Variants in RAPH1 observed in about 807,000 individuals in gnomAD.
The protein encoded by RAPH1 is ras-associated and pleckstrin homology domains-containing protein 1.
A neutral mutation model predicts 88.1 loss-of-function variants in RAPH1; 18 were observed. That is an observed-to-expected ratio of 0.20 (90% CI 0.14 to 0.30). The LOEUF is 0.30. Among genes scored for constraint, RAPH1 ranks in the 10% least tolerant of loss-of-function variants. The pLI, the probability that RAPH1 is intolerant of heterozygous loss-of-function variation, is 1.00. For synonymous variants in RAPH1, 587 were observed against 559.0 expected, an observed-to-expected ratio of 1.05 and a Z score of -0.71; for missense variants, 1,448 against 1,543.2, an observed-to-expected ratio of 0.94 and a Z score of 1.03.
In RAPH1 at chr2:203,441,080, G is replaced by T; in HGVS notation, c.2110C>A (p.Pro704Thr). 1 of 1,555,662 alleles carries T rather than the reference G, an allele frequency of 6.4e-7. No individual in the cohort carries two copies. The highest frequency in any genetic ancestry group is 8.8e-7 in the Non-Finnish European group (1 of 1,140,444). ...GGTGGTGGAACAACTCCATTGGGGG[G>T]TACCAGGATCTGAGGCTTCACTGAC... ...SQSVKPQILV[P>T]PNGVVPPPPP... Residue 704 changes from proline (P) to threonine (T), a missense_variant, in exon 14 of 14, where the codon CCC becomes ACC. Physicochemically the swap from Pro to Thr is conservative, Grantham distance 38. Around this residue, in one of 2 missense-constraint regions of RAPH1, gnomAD observed 935 missense variants for 890.1 expected, o/e 1.05. Transcript: ENST00000319170.
intron 1 of RAPH1, among the ~76,000 whole-genome samples, chr2:203,531,767 T>G (rs562337050): frequency 6.6e-6 from 1 of 152,182 alleles, no homozygotes; most frequent in Non-Finnish European, 1.5e-5. Context: ...ACAGAGAAAC[T>G]GGAACCTTTG....
chr2:203,496,865 A>T (rs1688539829), intron 1 of RAPH1, among the ~76,000 whole-genome samples: 1 of 152,198 alleles, frequency 6.6e-6, no homozygotes, highest in Non-Finnish European at 1.5e-5. Context: ...GAATTTTGTT[A>T]TGGTAGATCT....
intron 1 of RAPH1, among the ~76,000 whole-genome samples, chr2:203,516,217 T>C (rs113403337): frequency 9.2e-5 from 14 of 152,130 alleles, no homozygotes; most frequent in African/African-American, 3.4e-4. Context: ...TATATGTAAA[T>C]TGCAAAGTCT....
At chr2:203,516,176 C>T (rs1689596479) in intron 1 of RAPH1, among the ~76,000 whole-genome samples, 1 of 151,966 alleles carries the variant, frequency 6.6e-6, no homozygotes, top group South Asian at 2.1e-4. Flanking sequence ...AAGTGGTACA[C>T]TATTATCTGA....
chr2:203,482,569 C>A (rs952608611), intron 4 of RAPH1, among the ~76,000 whole-genome samples: 11 of 152,124 alleles, frequency 7.2e-5, no homozygotes, highest in Non-Finnish European at 1.6e-4. Flanking sequence ...GAAAAAAATC[C>A]TTTGAATTTG....
At chr2:203,506,857 T>G (rs1689085091) in intron 1 of RAPH1, among the ~76,000 whole-genome samples, 5 of 46,924 alleles carry the variant, frequency 1.1e-4, no homozygotes, top group African/African-American at 4.6e-4. Flanking sequence ...TATCTATATC[T>G]ATATATATAT....
intron 4 of RAPH1, 36 bp from the exon 5 acceptor site, chr2:203,461,961 A>C: frequency 6.5e-7 from 1 of 1,531,328 alleles, no homozygotes; most frequent in Non-Finnish European, 8.9e-7. Context: ...AACAATGCTA[A>C]GATGATGAAA....
At chr2:203,516,959 G>A (rs531837885) in intron 1 of RAPH1, among the ~76,000 whole-genome samples, 1 of 151,942 alleles carries the variant, frequency 6.6e-6, no homozygotes, top group South Asian at 2.1e-4. Context: ...GTGTGAACCC[G>A]GGAGGCAGAG....
At chr2:203,525,879 C>G (rs188666739) in intron 1 of RAPH1, among the ~76,000 whole-genome samples, 3 of 152,272 alleles carry the variant, frequency 2.0e-5, no homozygotes. Flanking sequence ...GCAAAACTTA[C>G]CTGTGCTGAA....
chr2:203,475,198 G>A (rs576581761), intron 4 of RAPH1, among the ~76,000 whole-genome samples: 15 of 152,290 alleles, frequency 9.8e-5, no homozygotes, highest in African/African-American at 3.1e-4. Context: ...ACAAGGTCAG[G>A]AGATCAATAC....
chr2:203,448,028 ACTCTGTCCT>A lies in RAPH1; in HGVS notation c.1555_1563del (p.Arg519_Glu521del). The A allele has an allele frequency of 6.2e-7, 1 of 1,613,776 alleles. No homozygotes were observed. Among genetic ancestry groups the A allele is most frequent in the Non-Finnish European group, 8.5e-7 (1 of 1,179,764 alleles). ...GATAAGGAAGTCCAATCATAGGCTG[ACTCTGTCCT>A]CTTCAAGGCTTCTTGGTAGTTCATA... is the stretch of plus-strand genomic sequence containing the variant. On this transcript the variant is annotated inframe_deletion, in exon 12 of 14. Transcript: ENST00000319170. The surrounding 1 kb of genome is among the most constrained non-coding windows in gnomAD (Gnocchi z 4.1).
chr2:203,490,623 C>T (rs573745362), intron 3 of RAPH1, among the ~76,000 whole-genome samples: 2 of 152,168 alleles, frequency 1.3e-5, no homozygotes, highest in Non-Finnish European at 2.9e-5. Context: ...ATTAAGTTTG[C>T]TGTGGGGTTC....
chr2:203,506,892 A>ATTTTT (rs1378152220), intron 1 of RAPH1, among the ~76,000 whole-genome samples: 1 of 102,842 alleles, frequency 9.7e-6, no homozygotes, highest in Non-Finnish European at 1.8e-5. Flanking sequence ...ATATATATAT[A>ATTTTT]TATATATTTT....
At chr2:203,452,237 T>TACC (rs2098515531) in intron 10 of RAPH1, among the ~76,000 whole-genome samples, 1 of 152,218 alleles carries the variant, frequency 6.6e-6, no homozygotes, top group Non-Finnish European at 1.5e-5. Flanking sequence ...GTTAAAAATG[T>TACC]ACCACCCTGG....
Position 203,438,472 on chromosome 2 carries a change from T to C in RAPH1, c.*965A>G, listed in dbSNP as rs1218493942. ...TGTAATAACACCTACCTAAAGCACA[T>C]ATTTTAAGAAGGTAACTGGTGACCC... On this transcript the variant is annotated 3_prime_UTR_variant, in exon 14 of 14. Transcript: ENST00000319170. The C allele has an allele frequency of 7.8e-6, 2 of 255,356 alleles. No individual in the cohort carries two copies. The highest frequency in any genetic ancestry group is 2.3e-4 in the East Asian group (2 of 8,678). 15.8% of individuals were successfully genotyped at this position (255,356 alleles called of 1,614,324 possible). A position where few individuals can be genotyped will look rare whatever the true frequency, so the allele number is the denominator to read the frequency against.
In RAPH1 at chr2:203,506,918, G is replaced by A. The variant is rs1382974054; in HGVS notation, c.1-11565C>T. Among the ~76,000 whole-genome samples the A allele has an allele frequency of 3.8e-5, 4 of 106,096 alleles. No individual in the cohort carries two copies. The East Asian group carries it at 8.3e-4, about 22-fold the overall frequency. The allele number at this position is 106,096 out of a possible 152,430, so 69.6% of individuals were successfully genotyped here. On this transcript the variant is annotated intron_variant, in intron 1 of 13. Transcript: ENST00000319170. ...TATATATTTTTTTTTTTTTTGAGAT[G>A]AACTTTCACTCTGGGTTGCCCAGGC...
At chr2:203,531,650 G>A (rs1690395125) in intron 1 of RAPH1, among the ~76,000 whole-genome samples, 1 of 152,056 alleles carries the variant, frequency 6.6e-6, no homozygotes, top group Non-Finnish European at 1.5e-5. Flanking sequence ...TAATCATTAG[G>A]AAAATTCAAA....
intron 1 of RAPH1, among the ~76,000 whole-genome samples, chr2:203,514,942 T>C (rs542684627): frequency 6.6e-6 from 1 of 152,300 alleles, no homozygotes; most frequent in South Asian, 2.1e-4. Context: ...AAAAAGTGTT[T>C]AAAACTAAGT....
Position 203,440,982 on chromosome 2 carries a change from G to A in RAPH1, c.2208C>T (p.Ser736=). 3 of 1,579,414 alleles carry A rather than the reference G, an allele frequency of 1.9e-6. No individual in the cohort carries two copies. Among genetic ancestry groups the A allele is most frequent in the South Asian group, 1.2e-5 (1 of 86,450 alleles). ...AQLKPAPCAP[S]LPQFSAPPPP... is the part of the protein sequence containing the mutation. ...GAGGCGGGGCACTGAACTGTGGAAG[G>A]GATGGGGCACACGGTGCAGGCTTTA... is the stretch of plus-strand genomic sequence containing the variant. The change falls in exon 14 of 14, where the codon TCC becomes TCT. Residue 736 remains serine (S), a synonymous_variant. Coordinates refer to ENST00000319170, the MANE Select transcript of RAPH1 (RefSeq NM_213589.3).
Sources: allele counts gnomAD v4.1 joint callset (sites outside exome capture counted in the v4.1 genomes callset), GRCh38; gene constraint gnomAD v4.1.1; regional missense constraint gnomAD v4.1.1; non-coding constraint Gnocchi (gnomAD v3.1); transcripts MANE v1.5; gene names NCBI Gene and HGNC (gene_info 2026-07-23, HGNC 2026-07-21).